Variants in CDH17 observed in about 807,000 individuals in gnomAD.
CDH17 encodes the protein cadherin-17.
CDH17 carries 67 observed loss-of-function variants against 86.3 expected under a neutral mutation model. The ratio of observed to expected loss-of-function variants is 0.78; its 90% CI spans 0.64 to 0.95. The LOEUF is 0.95. CDH17 is among the 40% of genes least tolerant of loss of function. The pLI is 0.00. For synonymous variants in CDH17, 367 were observed against 366.4 expected, an observed-to-expected ratio of 1.00 and a Z score of -0.02; for missense variants, 993 against 1,017.6, an observed-to-expected ratio of 0.98 and a Z score of 0.33.
chr8:94,130,926 C>T lies in CDH17; in HGVS notation c.2234G>A (p.Arg745His), dbSNP rs763186951. The T allele has an allele frequency of 3.0e-5, 48 of 1,611,170 alleles. No individual in the cohort carries two copies. The highest frequency in any genetic ancestry group is 6.7e-5 in the Admixed American group (4 of 59,956). Residue 745 changes from arginine (R) to histidine (H), a missense_variant, in exon 16 of 18, where the codon CGC becomes CAC. By Grantham distance (29) the Arg-to-His change is conservative. Transcript: ENST00000027335. ...GGGTGGCCGACCCCCATCATTGATG[C>T]GGATCAAGACGACATACTCCCTCTC... ...FEEREYVVLI[R>H]INDGGRPPLE...
intron 15 of CDH17, among the ~76,000 whole-genome samples, chr8:94,142,264 T>TTTTG (rs1812653453): frequency 6.6e-6 from 1 of 152,190 alleles, no homozygotes; most frequent in Non-Finnish European, 1.5e-5. Context: ...CACACAGATT[T>TTTTG]TTTGTTTTTC....
chr8:94,188,702 C>T (rs1173501787), intron 3 of CDH17, among the ~76,000 whole-genome samples: 1 of 152,188 alleles, frequency 6.6e-6, no homozygotes, highest in Non-Finnish European at 1.5e-5. Context: ...AATAAAACGT[C>T]CACCTCCCAG....
In CDH17 at chr8:94,130,945, C is replaced by G. The variant is rs1486031967; in HGVS notation, c.2215G>C (p.Glu739Gln). ...TTGATGCGGATCAAGACGACATACT[C>G]CCTCTCCTCAAACTCTGTGTGCCTG... ...STRHTEFEER[E>Q]YVVLIRINDG... The change falls in exon 16 of 18, where the codon GAG becomes CAG. Residue 739 changes from glutamate (E) to glutamine (Q), a missense_variant. By Grantham distance (29) the Glu-to-Gln change is conservative. Transcript: ENST00000027335. 2.5e-6 allele frequency: 4 copies of G among 1,610,356 alleles called. No homozygotes were observed. The highest frequency in any genetic ancestry group is 3.4e-6 in the Non-Finnish European group (4 of 1,176,734).
In CDH17 at chr8:94,164,987, G is replaced by A. The variant is rs77835357; in HGVS notation, c.1282+774C>T. Among the ~76,000 whole-genome samples the A allele has an allele frequency of 9.9e-5, 15 of 152,270 alleles. No homozygotes were observed. The East Asian group carries it at 2.1e-3, about 22-fold the overall frequency. On this transcript the variant is annotated intron_variant, in intron 10 of 17. Coordinates refer to ENST00000027335, the MANE Select transcript of CDH17 (RefSeq NM_004063.4). ...AGAATGTCTCCTGATACTGTCAAACGGCCAACTAGAAGCTGTTAGGGTAAG... is the reference window on the plus strand; with the variant it reads ...AGAATGTCTCCTGATACTGTCAAACAGCCAACTAGAAGCTGTTAGGGTAAG...
chr8:94,131,058 A>C, intron 15 of CDH17, 66 bp from the exon 16 acceptor site: 1 of 841,450 alleles, frequency 1.2e-6, no homozygotes, highest in Non-Finnish European at 2.0e-6. Context: ...AATAAAGCTC[A>C]TTTTGTATCA....
At chr8:94,187,433 C>T (rs1056593258) in intron 3 of CDH17, among the ~76,000 whole-genome samples, 1 of 152,178 alleles carries the variant, frequency 6.6e-6, no homozygotes, top group African/African-American at 2.4e-5. Flanking sequence ...CCCAGCAGAG[C>T]AGCTGGTATA....
intron 15 of CDH17, among the ~76,000 whole-genome samples, chr8:94,131,379 C>T (rs1033882082): frequency 2.0e-5 from 3 of 152,178 alleles, no homozygotes; most frequent in African/African-American, 4.8e-5. Flanking sequence ...CATAACCTTG[C>T]TTTTTGTGTG....
intron 15 of CDH17, among the ~76,000 whole-genome samples, chr8:94,140,543 C>T (rs183330994): frequency 4.3e-4 from 66 of 151,734 alleles, no homozygotes; most frequent in African/African-American, 1.5e-3. Flanking sequence ...AAACAGAACA[C>T]GAACAAAAAC....
At chr8:94,197,818 G>A (rs968613449) in intron 1 of CDH17, among the ~76,000 whole-genome samples, 1 of 140,388 alleles carries the variant, frequency 7.1e-6, no homozygotes, top group African/African-American at 2.7e-5. Flanking sequence ...GTGATGGAAC[G>A]AGACTCTGTC....
At chr8:94,170,269 C>G (rs1813241273) in intron 9 of CDH17, 128 bp downstream of exon 9, 1 of 925,746 alleles carries the variant, frequency 1.1e-6, no homozygotes, top group Non-Finnish European at 1.6e-6. Context: ...TCCCAAGGTA[C>G]AGTCAACCTC....
chr8:94,136,744 C>T (rs1335719767), intron 15 of CDH17, among the ~76,000 whole-genome samples: 2 of 152,204 alleles, frequency 1.3e-5, no homozygotes, highest in African/African-American at 2.4e-5. Flanking sequence ...GAATTTTCAG[C>T]TTTTCTGCTC....
At chr8:94,137,145 T>C (rs2446811) in intron 15 of CDH17, among the ~76,000 whole-genome samples, 123,841 of 152,166 alleles carry the variant, frequency 0.81, 50,544 homozygotes, top group Non-Finnish European at 0.83. Context: ...AGGTGAAATG[T>C]CATGCTGGGA....
At chr8:94,145,787 T>C (rs981441168) in intron 15 of CDH17, 141 bp downstream of exon 15, 1 of 904,390 alleles carries the variant, frequency 1.1e-6, no homozygotes. Context: ...AGTCCTTCCC[T>C]GTACAAGCTT....
intron 2 of CDH17, among the ~76,000 whole-genome samples, chr8:94,192,554 A>T (rs1053173212): frequency 6.6e-6 from 1 of 152,186 alleles, no homozygotes; most frequent in East Asian, 1.9e-4. Context: ...ACCCAGCGCC[A>T]TTGGACCACC....
chr8:94,196,751 G>A (rs1344498097), intron 1 of CDH17, among the ~76,000 whole-genome samples: 1 of 152,164 alleles, frequency 6.6e-6, no homozygotes, highest in African/African-American at 2.4e-5. Context: ...AAGCAAGCTG[G>A]AAGTTTCCAC....
intron 9 of CDH17, among the ~76,000 whole-genome samples, chr8:94,169,323 T>C (rs574412207): frequency 6.6e-6 from 1 of 152,052 alleles, no homozygotes; most frequent in African/African-American, 2.4e-5. Flanking sequence ...TGGCAAGAGT[T>C]GAGAAAAATG....
At chr8:94,184,665 C>T (rs573100917) in intron 3 of CDH17, among the ~76,000 whole-genome samples, 11 of 151,902 alleles carry the variant, frequency 7.2e-5, no homozygotes, top group Non-Finnish European at 1.0e-4. Context: ...GATATTTGCA[C>T]GTCTTTTTAG....
At chr8:94,194,241 T>A (rs1466341364) in intron 2 of CDH17, among the ~76,000 whole-genome samples, 1 of 152,180 alleles carries the variant, frequency 6.6e-6, no homozygotes, top group Non-Finnish European at 1.5e-5. Flanking sequence ...AGAAAATGCT[T>A]TTCTTGATGT....
At chr8:94,128,431 A>G (rs1289495166) in intron 17 of CDH17, 91 bp from the exon 18 acceptor site, 6 of 784,696 alleles carry the variant, frequency 7.6e-6, no homozygotes, top group Non-Finnish European at 1.2e-5. Context: ...TAGGAAAAAA[A>G]TGACTCAACT....
Sources: allele counts gnomAD v4.1 joint callset (sites outside exome capture counted in the v4.1 genomes callset), GRCh38; gene constraint gnomAD v4.1.1; transcripts MANE v1.5; gene names NCBI Gene and HGNC (gene_info 2026-07-23, HGNC 2026-07-21).